The following FBXW7 variants were observed in gnomAD, a reference collection of about 807,000 sequenced individuals.
FBXW7 encodes the protein F-box/WD repeat-containing protein 7.
FBXW7 carries 11 observed loss-of-function variants against 86.3 expected under a neutral mutation model. That is an observed-to-expected ratio of 0.13 (90% CI 0.08 to 0.21). FBXW7 has a LOEUF of 0.21. FBXW7 is among the 10% of genes least tolerant of loss of function. The pLI, the probability that FBXW7 is intolerant of heterozygous loss-of-function variation, is 1.00. For synonymous variants in FBXW7, 313 were observed against 297.9 expected (o/e 1.05, Z -0.52); for missense variants, 488 against 847.4 (o/e 0.58, Z 5.27).
intron 4 of FBXW7, among the ~76,000 whole-genome samples, chr4:152,406,526 A>G (rs1305788563): frequency 6.6e-6 from 1 of 152,238 alleles, no homozygotes; most frequent in Non-Finnish European, 1.5e-5. Flanking sequence ...ATACATTTAA[A>G]ACTATATTAA....
intron 4 of FBXW7, among the ~76,000 whole-genome samples, chr4:152,378,799 G>A (rs1157043967): frequency 6.6e-6 from 1 of 152,058 alleles, no homozygotes; most frequent in African/African-American, 2.4e-5. Context: ...TTGAGTCCAG[G>A]AGTTCAAGAC....
chr4:152,510,600 C>A (rs1456824048), intron 2 of FBXW7, among the ~76,000 whole-genome samples: 1 of 151,898 alleles, frequency 6.6e-6, no homozygotes, highest in African/African-American at 2.4e-5. Flanking sequence ...TAATACGGGG[C>A]AAGAGGAGAA....
chr4:152,433,872 T>C (rs1468748393), intron 2 of FBXW7, among the ~76,000 whole-genome samples: 1 of 152,226 alleles, frequency 6.6e-6, no homozygotes, highest in Non-Finnish European at 1.5e-5. Flanking sequence ...GAAAAATTAT[T>C]CCACGCATCT....
chr4:152,428,372 T>C (rs1290503392), intron 2 of FBXW7, among the ~76,000 whole-genome samples: 1 of 152,236 alleles, frequency 6.6e-6, no homozygotes, highest in African/African-American at 2.4e-5. Flanking sequence ...CCTAGTCTAA[T>C]TTTATACTTA....
At chr4:152,432,048 C>T (rs1739937521) in intron 2 of FBXW7, among the ~76,000 whole-genome samples, 1 of 152,188 alleles carries the variant, frequency 6.6e-6, no homozygotes, top group South Asian at 2.1e-4. Flanking sequence ...GTTCTGTAGT[C>T]ATTGGCTGTT....
At chr4:152,399,585 A>G (rs1579094553) in intron 4 of FBXW7, among the ~76,000 whole-genome samples, 2 of 151,880 alleles carry the variant, frequency 1.3e-5, no homozygotes, top group Admixed American at 1.3e-4. Flanking sequence ...AAAATTGACC[A>G]AAAAAAAGCA....
At chr4:152,510,598 G>C (rs577661746) in intron 2 of FBXW7, among the ~76,000 whole-genome samples, 32 of 152,190 alleles carry the variant, frequency 2.1e-4, no homozygotes, top group African/African-American at 6.5e-4. Context: ...CCTAATACGG[G>C]GCAAGAGGAG....
Position 152,535,419 on chromosome 4 carries a change from G to C in FBXW7, c.-505C>G. The C allele has an allele frequency of 2.6e-6, 1 of 388,712 alleles. No homozygotes were observed. Among genetic ancestry groups the C allele is most frequent in the Non-Finnish European group, 4.5e-6 (1 of 220,046 alleles). The allele number at this position is 388,712 out of a possible 1,614,324, so 24.1% of individuals were successfully genotyped here. On this transcript the variant is annotated 5_prime_UTR_variant, in exon 1 of 14. Coordinates refer to ENST00000281708, the MANE Select transcript of FBXW7 (RefSeq NM_001349798.2). ...GGGGCTGAGGGGAGGGGGAAGGTGA[G>C]GAAAGGACGGCGGCGTCGGTCCTGT... is the stretch of plus-strand genomic sequence containing the variant.
intron 4 of FBXW7, among the ~76,000 whole-genome samples, chr4:152,371,714 T>A (rs1192365022): frequency 6.6e-6 from 1 of 152,046 alleles, no homozygotes; most frequent in African/African-American, 2.4e-5. Flanking sequence ...TCAGGACCGC[T>A]AAAATGTTGA....
chr4:152,500,556 T>C (rs1421022956), intron 2 of FBXW7, among the ~76,000 whole-genome samples: 1 of 149,838 alleles, frequency 6.7e-6, no homozygotes, highest in African/African-American at 2.5e-5. Context: ...TTTCTTCCCA[T>C]TGTGACTGCA....
intron 2 of FBXW7, among the ~76,000 whole-genome samples, chr4:152,520,160 G>A (rs574159807): frequency 2.6e-5 from 4 of 152,232 alleles, no homozygotes; most frequent in South Asian, 2.1e-4. Flanking sequence ...CCGGCCGGGC[G>A]CGGTGGCTCA....
At chr4:152,365,482 T>G (rs929505616) in intron 4 of FBXW7, among the ~76,000 whole-genome samples, 1 of 152,064 alleles carries the variant, frequency 6.6e-6, no homozygotes, top group Non-Finnish European at 1.5e-5. Flanking sequence ...ATTAGCTAGG[T>G]AGAAACAGAG....
chr4:152,322,490 TCTAG>T lies in FBXW7; in HGVS notation c.*387_*390del. 4.0e-6 allele frequency: 1 copy of T among 252,892 alleles called. No homozygotes were observed. Among genetic ancestry groups the T allele is most frequent in the Non-Finnish European group, 7.7e-6 (1 of 129,388 alleles). The allele number at this position is 252,892 out of a possible 1,614,324, so 15.7% of individuals were successfully genotyped here. A position where few individuals can be genotyped will look rare whatever the true frequency, so the allele number is the denominator to read the frequency against. On this transcript the variant is annotated 3_prime_UTR_variant, in exon 14 of 14. Transcript: ENST00000281708. ...TATTATTGCAGTTCCTTTCTAGGTG[TCTAG>T]CTGTCAGTGGTAAAAGAACAGGCTA...
chr4:152,408,435 T>G (rs1253065493), intron 4 of FBXW7, among the ~76,000 whole-genome samples: 1 of 152,210 alleles, frequency 6.6e-6, no homozygotes, highest in Non-Finnish European at 1.5e-5. Flanking sequence ...TTTAGAGGAA[T>G]AGCCAGCACA....
At chr4:152,335,744 T>C (rs1304003904) in intron 7 of FBXW7, among the ~76,000 whole-genome samples, 2 of 152,202 alleles carry the variant, frequency 1.3e-5, no homozygotes, top group Admixed American at 6.5e-5. Flanking sequence ...TTTCCCAGAC[T>C]TGCTGTATTT....
At chr4:152,429,018 C>T (rs1044679568) in intron 2 of FBXW7, among the ~76,000 whole-genome samples, 3 of 151,952 alleles carry the variant, frequency 2.0e-5, no homozygotes, top group Non-Finnish European at 4.4e-5. Flanking sequence ...GGAGAAACTC[C>T]GTCTCTACTA....
At chr4:152,517,696 T>A (rs1748624262) in intron 2 of FBXW7, among the ~76,000 whole-genome samples, 1 of 152,210 alleles carries the variant, frequency 6.6e-6, no homozygotes, top group Non-Finnish European at 1.5e-5. Flanking sequence ...GAGGACTGGA[T>A]GAGGTAATAC....
At chr4:152,509,544 T>C (rs1747766766) in intron 2 of FBXW7, among the ~76,000 whole-genome samples, 1 of 152,122 alleles carries the variant, frequency 6.6e-6, no homozygotes, top group Non-Finnish European at 1.5e-5. Flanking sequence ...GAGTAGATAT[T>C]GAGGTTAACG....
intron 2 of FBXW7, among the ~76,000 whole-genome samples, chr4:152,531,074 CACAA>C (rs1468272889): frequency 6.6e-6 from 1 of 152,202 alleles, no homozygotes; most frequent in Non-Finnish European, 1.5e-5. Context: ...CACACACACA[CACAA>C]ACATATACCC....
Sources: gnomAD v4.1 joint callset for allele counts (sites outside exome capture counted in the v4.1 genomes callset) on GRCh38, gnomAD v4.1.1 for gene constraint, MANE v1.5 for transcripts, NCBI Gene and HGNC (gene_info 2026-07-23, HGNC 2026-07-21) for gene names.